SNX8: variants seen among roughly 807,000 people sequenced by gnomAD.
SNX8 encodes sorting nexin 8.
In SNX8, 25 loss-of-function variants were observed where a neutral mutation model predicts 51.6. The ratio of observed to expected loss-of-function variants is 0.48; its 90% CI spans 0.35 to 0.68. SNX8 has a LOEUF of 0.68. Ranked by LOEUF, SNX8 falls within the 30% of genes least tolerant of loss-of-function variation. SNX8 has a pLI of 0.00. For synonymous variants in SNX8, 324 were observed against 277.0 expected (o/e 1.17, Z -1.68); for missense variants, 695 against 624.0 (o/e 1.11, Z -1.21).
intron 1 of SNX8, among the ~76,000 whole-genome samples, chr7:2,308,604 T>G (rs1796597397): frequency 1.4e-5 from 2 of 143,664 alleles, no homozygotes; most frequent in East Asian, 4.2e-4. Flanking sequence ...AGATGGAGGT[T>G]GCAGTGAGGC....
chr7:2,280,759 C>T (rs906707577), intron 1 of SNX8, among the ~76,000 whole-genome samples: 2 of 150,284 alleles, frequency 1.3e-5, no homozygotes, highest in African/African-American at 4.9e-5. Flanking sequence ...GAAAGCTATG[C>T]TTTCAAATAT....
At chr7:2,349,547 C>T (rs751359661) in intron 1 of SNX8, among the ~76,000 whole-genome samples, 11 of 151,236 alleles carry the variant, frequency 7.3e-5, no homozygotes, top group East Asian at 3.9e-4. Context: ...CATGTTCAAG[C>T]GATTCTCCTG....
intron 5 of SNX8, among the ~76,000 whole-genome samples, chr7:2,266,018 G>GA: frequency 6.6e-6 from 1 of 152,294 alleles, no homozygotes; most frequent in East Asian, 1.9e-4. Context: ...CTGGGAGGCT[G>GA]AAGTGGGAGA....
At chr7:2,275,756 T>C (rs1431550239) in intron 2 of SNX8, among the ~76,000 whole-genome samples, 3 of 151,376 alleles carry the variant, frequency 2.0e-5, no homozygotes, top group Non-Finnish European at 4.4e-5. Flanking sequence ...CCCAGCACTT[T>C]GGGAGGCCGA....
In SNX8 at chr7:2,271,853, G is replaced by A. The variant is rs1455882573; in HGVS notation, c.537C>T (p.Gly179=). Residue 179 remains glycine (G), a synonymous_variant, in exon 4 of 11, where the codon GGC becomes GGT. Transcript: ENST00000222990. ...VVLKLFLSFS[G]SDVQNKLKES... ...TGGGCAGGGCAGACACACTCACCGA[G>A]CCGCTGAAGGACAGGAAGAGCTTGA... The A allele has an allele frequency of 6.2e-7, 1 of 1,606,018 alleles. No homozygotes were observed. The highest frequency in any genetic ancestry group is 8.5e-7 in the Non-Finnish European group (1 of 1,176,578).
intron 7 of SNX8, among the ~76,000 whole-genome samples, chr7:2,261,715 G>A (rs186594878): frequency 3.7e-4 from 57 of 152,302 alleles, no homozygotes; most frequent in African/African-American, 1.3e-3. Flanking sequence ...CCCTCCCTCC[G>A]TTTCTAAAGG....
intron 1 of SNX8, among the ~76,000 whole-genome samples, chr7:2,288,740 GTTT>G (rs548768810): frequency 6.6e-6 from 1 of 151,976 alleles, no homozygotes; most frequent in Non-Finnish European, 1.5e-5. Context: ...CTGTTTTGGG[GTTT>G]TTGTTTTTGA....
chr7:2,346,251 A>AAGGCAGCCTG (rs1562465281), intron 1 of SNX8, among the ~76,000 whole-genome samples: 1 of 6,846 alleles, frequency 1.5e-4, no homozygotes, highest in African/African-American at 9.5e-4. Flanking sequence ...CAGAAGTTTG[A>AAGGCAGCCTG]GCTCACATAG....
At chr7:2,346,790 C>T (rs1779038670) in intron 1 of SNX8, among the ~76,000 whole-genome samples, 1 of 147,554 alleles carries the variant, frequency 6.8e-6, no homozygotes, top group Admixed American at 6.8e-5. Context: ...TATGGTGGCT[C>T]ACACCTGTAG....
intron 1 of SNX8, among the ~76,000 whole-genome samples, chr7:2,295,592 CA>C (rs147853805): frequency 2.7e-4 from 25 of 93,558 alleles, no homozygotes; most frequent in East Asian, 4.6e-4. Flanking sequence ...GTAATCCCAG[CA>C]AAAAAAAAAA....
At chr7:2,337,268 A>G (rs1156673471) in intron 1 of SNX8, 3 of 152,190 alleles carry the variant, frequency 2.0e-5, no homozygotes, top group African/African-American at 4.8e-5. Context: ...CAGCCCGGGC[A>G]ACACAAGGAG....
At chr7:2,261,671 G>T (rs1407767314) in intron 7 of SNX8, among the ~76,000 whole-genome samples, 1 of 152,202 alleles carries the variant, frequency 6.6e-6, no homozygotes, top group Non-Finnish European at 1.5e-5. Flanking sequence ...GGAGACAGAA[G>T]AGACTCAGCC....
intron 3 of SNX8, among the ~76,000 whole-genome samples, chr7:2,272,964 G>T (rs545486032): frequency 6.6e-6 from 1 of 152,004 alleles, no homozygotes; most frequent in South Asian, 2.1e-4. Flanking sequence ...CTCCCAAGTA[G>T]CTGGGATTAC....
intron 1 of SNX8, among the ~76,000 whole-genome samples, chr7:2,290,576 T>G (rs1796128730): frequency 6.6e-6 from 1 of 152,238 alleles, no homozygotes; most frequent in South Asian, 2.1e-4. Flanking sequence ...ATCTGCTGAA[T>G]GAATGAAAAT....
At chr7:2,271,368 G>T (rs1334867198) in intron 4 of SNX8, among the ~76,000 whole-genome samples, 1 of 152,224 alleles carries the variant, frequency 6.6e-6, no homozygotes, top group African/African-American at 2.4e-5. Context: ...ACACAATAAG[G>T]CTGTGCCGCA....
chr7:2,272,934 A>C (rs1795683222), intron 3 of SNX8, among the ~76,000 whole-genome samples: 1 of 151,760 alleles, frequency 6.6e-6, no homozygotes, highest in Admixed American at 6.6e-5. Context: ...CCCAGGTTCA[A>C]GCGATTCTCC....
At chr7:2,351,007 T>C (rs1172238187) in intron 1 of SNX8, among the ~76,000 whole-genome samples, 1 of 152,100 alleles carries the variant, frequency 6.6e-6, no homozygotes, top group Non-Finnish European at 1.5e-5. Context: ...TAGTCTCAAC[T>C]ACTCAGGAGG....
intron 1 of SNX8, among the ~76,000 whole-genome samples, chr7:2,342,090 A>G (rs1446421664): frequency 6.6e-6 from 1 of 151,382 alleles, no homozygotes; most frequent in East Asian, 2.0e-4. Context: ...ATGCAAGGAG[A>G]ATCGCTTGCA....
At chr7:2,272,192 G>A (rs887894981) in intron 3 of SNX8, among the ~76,000 whole-genome samples, 1 of 152,098 alleles carries the variant, frequency 6.6e-6, no homozygotes, top group Non-Finnish European at 1.5e-5. Flanking sequence ...ACACACTTGG[G>A]TCCAGGAGCT....
Sources: gnomAD v4.1 joint callset for allele counts (sites outside exome capture counted in the v4.1 genomes callset) on GRCh38, gnomAD v4.1.1 for gene constraint, MANE v1.5 for transcripts, NCBI Gene and HGNC (gene_info 2026-07-23, HGNC 2026-07-21) for gene names.